LTV1: variants seen among roughly 807,000 people sequenced by gnomAD.
LTV1 encodes the protein protein LTV1 homolog.
Under a neutral mutation model 59.9 loss-of-function variants are expected in LTV1, and 39 were observed. The ratio of observed to expected loss-of-function variants is 0.65; its 90% CI spans 0.50 to 0.85. LTV1 has a LOEUF of 0.85. Ranked by LOEUF, LTV1 falls within the 40% of genes least tolerant of loss-of-function variation. The pLI is 0.00. For missense variants in LTV1, 493 were observed against 549.1 expected (o/e 0.90, Z 1.02); for synonymous variants, 171 against 189.5 (o/e 0.90, Z 0.80).
At chr6:143,860,586 TC>T (rs779913778) in intron 7 of LTV1, 33 bp downstream of exon 7, 1 of 1,552,110 alleles carries the variant, frequency 6.4e-7, no homozygotes, top group South Asian at 1.3e-5. Flanking sequence ...GTTTAGCTGT[TC>T]TTTTTTTTAA....
In LTV1 at chr6:143,846,286, T is replaced by C. The variant is rs1284472091; in HGVS notation, c.309+62T>C. 38 of 1,502,020 alleles carry C rather than the reference T, an allele frequency of 2.5e-5. 1 individual carries two copies. The South Asian group carries it at 4.0e-4, about 16-fold the overall frequency. The allele number at this position is 1,502,020 out of a possible 1,614,324, so 93.0% of individuals were successfully genotyped here. ...TGAAGAAATCATTTTTGAATCAAGA[T>C]ATCTGTTTGGGGCAAGAAATGGTGT... is the stretch of plus-strand genomic sequence containing the variant. On this transcript the variant is annotated intron_variant, in intron 3 of 10. Transcript: ENST00000367576.
chr6:143,856,905 CAG>C (rs1263463492), intron 4 of LTV1, among the ~76,000 whole-genome samples: 1 of 152,220 alleles, frequency 6.6e-6, no homozygotes, highest in East Asian at 1.9e-4. Flanking sequence ...GCAGGAGGCA[CAG>C]GGGTCAGGGA....
intron 6 of LTV1, 63 bp downstream of exon 6, chr6:143,858,070 C>T: frequency 1.3e-6 from 2 of 1,507,990 alleles, no homozygotes; most frequent in Non-Finnish European, 1.8e-6. Context: ...TTTTTAATAC[C>T]TGTCAGCTTT....
chr6:143,843,620 C>A, intron 1 of LTV1, 140 bp downstream of exon 1: 1 of 1,034,958 alleles, frequency 9.7e-7, no homozygotes, highest in Non-Finnish European at 1.4e-6. Flanking sequence ...CCGAAATGGG[C>A]CAACGTCACC....
intron 3 of LTV1, among the ~76,000 whole-genome samples, chr6:143,847,270 C>T (rs768899196): frequency 6.6e-6 from 1 of 152,182 alleles, no homozygotes; most frequent in Non-Finnish European, 1.5e-5. Flanking sequence ...AGAAGGGGTT[C>T]CTTAGTGGCT....
rs1375070230 is a variant in LTV1, at chr6:143,862,939, A to C, written c.1116+43A>C. ...GAGCTATTTGAAGGATGCAGTGCAT[A>C]AAAAATAGAGTGCACATTTTCGCAC... On this transcript the variant is annotated intron_variant, in intron 9 of 10. Coordinates refer to ENST00000367576, the MANE Select transcript of LTV1 (RefSeq NM_032860.5). The surrounding 1 kb of genome is among the most constrained non-coding windows in gnomAD (Gnocchi z 4.2). 1.3e-6 allele frequency: 2 copies of C among 1,501,810 alleles called. No homozygotes were observed. The highest frequency in any genetic ancestry group is 1.9e-6 in the Non-Finnish European group (2 of 1,078,800). 93.0% of individuals were successfully genotyped at this position (1,501,810 alleles called of 1,614,324 possible).
rs1450530629 is a variant in LTV1, at chr6:143,851,815, C to T, written c.397+1597C>T. On this transcript the variant is annotated intron_variant, in intron 4 of 10. Transcript: ENST00000367576. ...TTCAACTCCCACTTATGAGTGAGAA[C>T]ATGCGGTGTTTGGTTTTCTGTTCCT... is the stretch of plus-strand genomic sequence containing the variant. Among the ~76,000 whole-genome samples the T allele has an allele frequency of 2.6e-5, 4 of 152,050 alleles. No individual in the cohort carries two copies. The East Asian group carries it at 7.7e-4, about 29-fold the overall frequency.
chr6:143,856,731 A>G (rs1469304541), intron 4 of LTV1, among the ~76,000 whole-genome samples: 4 of 152,202 alleles, frequency 2.6e-5, no homozygotes, highest in Admixed American at 2.0e-4. Context: ...GGTCCAGTCC[A>G]GTCCCTGTTT....
chr6:143,861,720 G>A (rs1287919886), intron 7 of LTV1, among the ~76,000 whole-genome samples: 1 of 152,130 alleles, frequency 6.6e-6, no homozygotes, highest in East Asian at 1.9e-4. Flanking sequence ...AGAAAGGTCT[G>A]ATGTTCCATG....
chr6:143,844,005 C>G (rs1482698066), intron 1 of LTV1, among the ~76,000 whole-genome samples: 2 of 152,192 alleles, frequency 1.3e-5, no homozygotes, highest in Admixed American at 6.5e-5. Context: ...TCTTATTAAA[C>G]TTTAGCTGTT....
chr6:143,856,895 G>A (rs931724601), intron 4 of LTV1, among the ~76,000 whole-genome samples: 52 of 152,320 alleles, frequency 3.4e-4, no homozygotes, highest in Admixed American at 5.9e-4. Flanking sequence ...TGTCTCCTAG[G>A]CAGGAGGCAC....
intron 7 of LTV1, among the ~76,000 whole-genome samples, chr6:143,861,701 A>C (rs1582943648): frequency 6.6e-6 from 1 of 152,202 alleles, no homozygotes; most frequent in East Asian, 1.9e-4. Context: ...TGAAGTGTTC[A>C]AATCAGCTAG....
rs1777065515 is a variant in LTV1, at chr6:143,855,789, G to C, written c.398-1514G>C. Among the ~76,000 whole-genome samples, 2 of 152,198 alleles carry C rather than the reference G, an allele frequency of 1.3e-5. No homozygotes were observed. On this transcript the variant is annotated intron_variant, in intron 4 of 10. Coordinates refer to ENST00000367576, the MANE Select transcript of LTV1 (RefSeq NM_032860.5). This position sits in a 1 kb window ranked among gnomAD's most constrained non-coding sequence, Gnocchi z 4.6. ...ATTGGCCCCCACTTTCTTCTGACTT[G>C]TACGGTTTCTGCTGAGAGATCCACT...
Position 143,847,459 on chromosome 6 carries a change from T to C in LTV1, c.309+1235T>C, listed in dbSNP as rs184862340. Among the ~76,000 whole-genome samples the C allele has an allele frequency of 2.6e-5, 4 of 152,288 alleles. No homozygotes were observed. In the East Asian group the frequency reaches 7.7e-4, roughly 29 times the overall value. On this transcript the variant is annotated intron_variant, in intron 3 of 10. Coordinates refer to ENST00000367576, the MANE Select transcript of LTV1 (RefSeq NM_032860.5). ...TCACCGCAACCTCCGCCTCCCGGGTTCAAGCGATTCTCCTGCCTCAGCCTC... is the reference window on the plus strand; with the variant it reads ...TCACCGCAACCTCCGCCTCCCGGGTCCAAGCGATTCTCCTGCCTCAGCCTC...
rs1392297863 is a variant in LTV1, at chr6:143,844,624, C to G, written c.135+7C>G. The stretch of plus-strand genomic sequence containing the variant: ...TCTATTGCCCACACAAAAAGTAGGT[C>G]CTGTTCTTTAGCCAGTCAGTTTGTA... On this transcript the variant is annotated splice_region_variant and intron_variant, in intron 2 of 10. Coordinates refer to ENST00000367576, the MANE Select transcript of LTV1 (RefSeq NM_032860.5). The G allele has an allele frequency of 3.1e-6, 5 of 1,609,288 alleles. No individual in the cohort carries two copies. The African/African-American group carries it at 6.7e-5, about 22-fold the overall frequency.
chr6:143,846,320 A>G, intron 3 of LTV1, 96 bp downstream of exon 3: 1 of 1,158,506 alleles, frequency 8.6e-7, no homozygotes, highest in Non-Finnish European at 1.2e-6. Flanking sequence ...GTCCGTATGA[A>G]GAGCACAAAG....
chr6:143,858,289 CA>C, intron 6 of LTV1: 1 of 314,528 alleles, frequency 3.2e-6, no homozygotes. Context: ...ACGCTTACAC[CA>C]GGAGGTGGCT....
chr6:143,843,908 G>C (rs569326311), intron 1 of LTV1, among the ~76,000 whole-genome samples: 1 of 152,264 alleles, frequency 6.6e-6, no homozygotes, highest in African/African-American at 2.4e-5. Flanking sequence ...CATAAGGTTG[G>C]GCCCAAAGTA....
chr6:143,856,219 T>C (rs1442725047), intron 4 of LTV1, among the ~76,000 whole-genome samples: 2 of 152,254 alleles, frequency 1.3e-5, no homozygotes, highest in African/African-American at 4.8e-5. Flanking sequence ...TTCCACTTGA[T>C]CAATTCGGCT....
Sources: gnomAD v4.1 joint callset for allele counts (sites outside exome capture counted in the v4.1 genomes callset) on GRCh38, gnomAD v4.1.1 for gene constraint, Gnocchi (gnomAD v3.1) non-coding constraint, MANE v1.5 for transcripts, NCBI Gene and HGNC (gene_info 2026-07-23, HGNC 2026-07-21) for gene names.